The following PPP1R10 variants were observed in gnomAD, a reference collection of about 807,000 sequenced individuals.
The protein encoded by PPP1R10 is serine/threonine-protein phosphatase 1 regulatory subunit 10.
Under a neutral mutation model 99.0 loss-of-function variants are expected in PPP1R10, and 15 were observed. The observed-to-expected ratio is 0.15, with a 90% CI of 0.10 to 0.23. PPP1R10 has a LOEUF of 0.23. Among genes scored for constraint, PPP1R10 ranks in the 10% least tolerant of loss-of-function variants. The pLI is 1.00. For missense variants in PPP1R10, 947 were observed against 1,259.4 expected, an observed-to-expected ratio of 0.75 and a Z score of 3.75; for synonymous variants, 430 against 449.5, an observed-to-expected ratio of 0.96 and a Z score of 0.55.
In PPP1R10 at chr6:30,604,453, G is replaced by A. The variant is rs1462488633; in HGVS notation, c.1161C>T (p.Asn387=). ...TCTTCCTGCCTTTCCGGGTCAGTTG[G>A]TTAGGATCTCCAGGACTCTCCACTG... The part of the protein sequence containing the change: ...AKPVESPGDP[N]QLTRKGRKRK... Residue 387 remains asparagine, a synonymous_variant, in exon 13 of 20, where the codon AAC becomes AAT. Transcript: ENST00000376511. This position sits in a 1 kb window ranked among gnomAD's most constrained non-coding sequence, Gnocchi z 7.3. 20 of 1,613,052 alleles carry A rather than the reference G, an allele frequency of 1.2e-5. No homozygotes were observed. The highest frequency in any genetic ancestry group is 1.6e-5 in the Non-Finnish European group (19 of 1,180,044).
At position 30,602,106 on chromosome 6, in the gene PPP1R10, T is replaced by G. The variant is rs1803382922; in HGVS notation, c.2543A>C (p.His848Pro). 1 of 1,600,102 alleles carries G rather than the reference T, an allele frequency of 6.2e-7. No homozygotes were observed. The highest frequency in any genetic ancestry group is 8.5e-7 in the Non-Finnish European group (1 of 1,172,562). The change falls in exon 19 of 20, where the codon CAT (histidine) becomes CCT (proline). Residue 848 changes from histidine to proline, a missense_variant. This residue lies in a region of PPP1R10 where 525 missense variants were observed against 578.8 expected (regional missense o/e 0.91). Coordinates refer to ENST00000376511, the MANE Select transcript of PPP1R10 (RefSeq NM_002714.4). This position sits in a 1 kb window ranked among gnomAD's most constrained non-coding sequence, Gnocchi z 6.7. Reference protein sequence around the residue: ...SMGGSGGHRPHEGPGHGGPHG... With the variant: ...SMGGSGGHRPPEGPGHGGPHG... Reference sequence around the variant, plus strand: ...GGGCCCCCCGTGTCCAGGGCCTTCATGGGGACGATGTCCACCACTTCCACC... The same window carrying G: ...GGGCCCCCCGTGTCCAGGGCCTTCAGGGGGACGATGTCCACCACTTCCACC...
rs1256428171 is a variant in PPP1R10 at position 30,606,899 on chromosome 6, A to G, written c.383-43T>C. On this transcript the variant is annotated intron_variant, in intron 6 of 19. Transcript: ENST00000376511. The surrounding 1 kb of genome is among the most constrained non-coding windows in gnomAD (Gnocchi z 6.3). ...GGGAAATGCCTAAATAATGTAAAGTAACATTCTTCCAGGAACAGAAAATGG... is the reference window on the plus strand; with the variant it reads ...GGGAAATGCCTAAATAATGTAAAGTGACATTCTTCCAGGAACAGAAAATGG... 1 of 1,523,008 alleles carries G rather than the reference A, an allele frequency of 6.6e-7. No individual in the cohort carries two copies. The highest frequency in any genetic ancestry group is 9.1e-7 in the Non-Finnish European group (1 of 1,101,764). 94.3% of individuals were successfully genotyped at this position (1,523,008 alleles called of 1,614,324 possible).
intron 2 of PPP1R10, among the ~76,000 whole-genome samples, chr6:30,615,110 G>A (rs776827549): frequency 2.6e-5 from 4 of 151,826 alleles, no homozygotes; most frequent in Admixed American, 6.6e-5. Flanking sequence ...GATGGCAAAA[G>A]GGGGAGAAAA....
In PPP1R10 at chr6:30,606,705, G is replaced by T; in HGVS notation, c.461-64C>A. 1 of 1,611,046 alleles carries T rather than the reference G, an allele frequency of 6.2e-7. No homozygotes were observed. On this transcript the variant is annotated intron_variant, in intron 7 of 19. Coordinates refer to ENST00000376511, the MANE Select transcript of PPP1R10 (RefSeq NM_002714.4). This position sits in a 1 kb window ranked among gnomAD's most constrained non-coding sequence, Gnocchi z 6.3. ...GATGAACACTGTCAGAGGTGAAGCA[G>T]ACTGGGAGCACCTAAAGGCCACATC...
In PPP1R10 at chr6:30,606,302, C is replaced by T. The variant is rs1438562712; in HGVS notation, c.635-59G>A. 7 of 1,592,288 alleles carry T rather than the reference C, an allele frequency of 4.4e-6. No individual in the cohort carries two copies. The highest frequency in any genetic ancestry group is 6.0e-6 in the Non-Finnish European group (7 of 1,164,632). On this transcript the variant is annotated intron_variant, in intron 8 of 19. Coordinates refer to ENST00000376511, the MANE Select transcript of PPP1R10 (RefSeq NM_002714.4). This position sits in a 1 kb window ranked among gnomAD's most constrained non-coding sequence, Gnocchi z 6.3. ...TCAAACCCCAGACCCCCGAATTTTC[C>T]TCCCGTTCTCACCCGCAAATGTTCT...
At chr6:30,615,307 T>C (rs1170782704) in intron 2 of PPP1R10, among the ~76,000 whole-genome samples, 2 of 150,104 alleles carry the variant, frequency 1.3e-5, no homozygotes, top group African/African-American at 2.4e-5. Context: ...AGTAAGAGCG[T>C]AGTGAAAATT....
At position 30,606,441 on chromosome 6, in the gene PPP1R10, C is replaced by T. The variant is rs1425840177; in HGVS notation, c.634+27G>A. On this transcript the variant is annotated intron_variant, in intron 8 of 19. Coordinates refer to ENST00000376511, the MANE Select transcript of PPP1R10 (RefSeq NM_002714.4). This position sits in a 1 kb window ranked among gnomAD's most constrained non-coding sequence, Gnocchi z 6.3. ...TCTGGGTGTGCACATGCCCATGAAC[C>T]CTCCAGAGGCCAGCCGCCAGTCTTA... The T allele has an allele frequency of 1.9e-6, 3 of 1,610,468 alleles. No homozygotes were observed. In the African/African-American group the frequency reaches 4.0e-5, roughly 22 times the overall value.
At chr6:30,615,150 A>T (rs1397182878) in intron 2 of PPP1R10, among the ~76,000 whole-genome samples, 1 of 151,946 alleles carries the variant, frequency 6.6e-6, no homozygotes, top group Non-Finnish European at 1.5e-5. Flanking sequence ...GCCATTTTGT[A>T]ATGGAGAAAG....
In PPP1R10 at chr6:30,609,589, C is replaced by A. The variant is rs533554841; in HGVS notation, c.107+249G>T. 6.6e-6 allele frequency among the ~76,000 whole-genome samples: 1 copy of A among 152,276 alleles called. No individual in the cohort carries two copies. Among genetic ancestry groups the A allele is most frequent in the East Asian group, 1.9e-4 (1 of 5,190 alleles). ...ATCTAGAATTCTGTTACCAGGCTAC[C>A]CTGCTCTCATTCCAAAGCATGACTC... On this transcript the variant is annotated intron_variant, in intron 3 of 19. Transcript: ENST00000376511. This position sits in a 1 kb window ranked among gnomAD's most constrained non-coding sequence, Gnocchi z 4.5.
Position 30,606,750 on chromosome 6 carries a change from T to A in PPP1R10, c.460+29A>T. 1 of 1,611,318 alleles carries A rather than the reference T, an allele frequency of 6.2e-7. No homozygotes were observed. Among genetic ancestry groups the A allele is most frequent in the Admixed American group, 1.7e-5 (1 of 59,968 alleles). On this transcript the variant is annotated intron_variant, in intron 7 of 19. Transcript: ENST00000376511. The surrounding 1 kb of genome is among the most constrained non-coding windows in gnomAD (Gnocchi z 6.3). ...CACATCCCAATAGGAAAGAAATAAA[T>A]ACAAAGGATAAAGGACTAAGGAGCT...
chr6:30,607,741 GA>G (rs1554130696), intron 6 of PPP1R10, 98 bp downstream of exon 6: 1 of 1,344,948 alleles, frequency 7.4e-7, no homozygotes, highest in Non-Finnish European at 1.1e-6. Flanking sequence ...GGTAGAAAGA[GA>G]AAAGTGAAGG....
rs1212011687 is a variant in PPP1R10 at position 30,603,603 on chromosome 6, G to A, written c.1636C>T (p.Pro546Ser). 6.2e-7 allele frequency: 1 copy of A among 1,613,788 alleles called. No individual in the cohort carries two copies. Among genetic ancestry groups the A allele is most frequent in the East Asian group, 2.2e-5 (1 of 44,874 alleles). Residue 546 changes from proline (P) to serine (S), a missense_variant, in exon 16 of 20, where the codon CCT becomes TCT. Pro to Ser is a moderately conservative substitution (Grantham distance 74). Around this residue, in one of 10 missense-constraint regions of PPP1R10, gnomAD observed 525 missense variants for 578.8 expected, o/e 0.91. Coordinates refer to ENST00000376511, the MANE Select transcript of PPP1R10 (RefSeq NM_002714.4). ...TLEPGGSGGS[P>S]DGAGGSKLPP... ...AACTTGGAGCCTCCTGCCCCATCAG[G>A]TGAGCCACCTGACCCCCCAGGTTCC...
At position 30,603,238 on chromosome 6, in the gene PPP1R10, G is replaced by C. The variant is rs377363791; in HGVS notation, c.1815C>G (p.Asp605Glu). 3.1e-6 allele frequency: 5 copies of C among 1,613,874 alleles called. No homozygotes were observed. The highest frequency in any genetic ancestry group is 3.4e-6 in the Non-Finnish European group (4 of 1,179,780). Residue 605 changes from aspartate (D) to glutamate (E), a missense_variant, in exon 17 of 20, where the codon GAC (aspartate) becomes GAG (glutamate). Transcript: ENST00000376511. ...HPSEELLKQP[D>E]YSDKIKQMLV... ...GCATCTGCTTGATCTTGTCCGAATA[G>C]TCTGGTTGTTTCAGTAGTTCCTCTG...
At position 30,612,572 on chromosome 6, in the gene PPP1R10, C is replaced by T. The variant is rs183730636; in HGVS notation, c.-11-2617G>A. Reference sequence around the variant, plus strand: ...AGCGTTAAATATTCATTTTCCACTACTTATATTTTGGAAATATAAGTGAAA... The same window carrying T: ...AGCGTTAAATATTCATTTTCCACTATTTATATTTTGGAAATATAAGTGAAA... On this transcript the variant is annotated intron_variant, in intron 2 of 19. Transcript: ENST00000376511. 4.8e-3 allele frequency among the ~76,000 whole-genome samples: 730 copies of T among 152,262 alleles called. 1 individual carries two copies. Among genetic ancestry groups the T allele is most frequent in the African/African-American group, 0.016 (651 of 41,536 alleles).
chr6:30,602,784 A>G lies in PPP1R10; in HGVS notation c.1957+62T>C. 2.6e-6 allele frequency: 4 copies of G among 1,548,000 alleles called. No individual in the cohort carries two copies. The highest frequency in any genetic ancestry group is 3.5e-6 in the Non-Finnish European group (4 of 1,139,668). On this transcript the variant is annotated intron_variant, in intron 18 of 19. Coordinates refer to ENST00000376511, the MANE Select transcript of PPP1R10 (RefSeq NM_002714.4). The surrounding 1 kb of genome is among the most constrained non-coding windows in gnomAD (Gnocchi z 6.7). ...CACCTCCCACCTTCCAGTCAATCCTATACTATTATCAGACTGAAATTAAGC... is the reference window on the plus strand; with the variant it reads ...CACCTCCCACCTTCCAGTCAATCCTGTACTATTATCAGACTGAAATTAAGC...
intron 5 of PPP1R10, 94 bp downstream of exon 5, chr6:30,608,685 G>A: frequency 7.0e-7 from 1 of 1,428,526 alleles, no homozygotes; most frequent in Non-Finnish European, 9.6e-7. Context: ...CTACCTCACA[G>A]GCCCAAGATT....
chr6:30,616,072 C>A (rs776124933), intron 2 of PPP1R10, among the ~76,000 whole-genome samples: 3 of 152,284 alleles, frequency 2.0e-5, no homozygotes, highest in Non-Finnish European at 4.4e-5. Context: ...TACTTCTGGG[C>A]CACAAGATCC....
At position 30,604,834 on chromosome 6, in the gene PPP1R10, TA is replaced by T. The variant is rs2127439776; in HGVS notation, c.955-100del. On this transcript the variant is annotated intron_variant, in intron 11 of 19. Transcript: ENST00000376511. This position sits in a 1 kb window ranked among gnomAD's most constrained non-coding sequence, Gnocchi z 7.3. ...GCACAGTCCCCCAACAGTTCCTATA[TA>T]AAGGAAGACTCTGTCTCCACAATGT... The T allele has an allele frequency of 1.3e-6, 2 of 1,563,822 alleles. No individual in the cohort carries two copies. Among genetic ancestry groups the T allele is most frequent in the East Asian group, 4.5e-5 (2 of 44,620 alleles).
chr6:30,608,933 G>C lies in PPP1R10; in HGVS notation c.195-19C>G, dbSNP rs1191961572. 1.2e-6 allele frequency: 2 copies of C among 1,614,050 alleles called. No homozygotes were observed. Among genetic ancestry groups the C allele is most frequent in the Non-Finnish European group, 1.7e-6 (2 of 1,179,970 alleles). ...AATAAATCTGCAGGCAGGCAGGAGA[G>C]TCTATCAGTAATGCCCTTTCTAGGT... On this transcript the variant is annotated intron_variant, in intron 4 of 19. Coordinates refer to ENST00000376511, the MANE Select transcript of PPP1R10 (RefSeq NM_002714.4).
Sources: gnomAD v4.1 joint callset for allele counts (sites outside exome capture counted in the v4.1 genomes callset) on GRCh38, gnomAD v4.1.1 for gene constraint, gnomAD v4.1.1 regional missense constraint, Gnocchi (gnomAD v3.1) non-coding constraint, MANE v1.5 for transcripts, NCBI Gene and HGNC (gene_info 2026-07-23, HGNC 2026-07-21) for gene names.